The following MORN5 variants were observed in gnomAD, a reference collection of about 807,000 sequenced individuals.
MORN5 encodes MORN repeat-containing protein 5.
A neutral mutation model predicts 22.1 loss-of-function variants in MORN5; 21 were observed. That is an observed-to-expected ratio of 0.95 (90% confidence interval 0.67 to 1.37). MORN5 has a LOEUF of 1.37. Ranked by LOEUF, MORN5 falls within the 40% of genes most tolerant of loss-of-function variation. The pLI is 0.00. For missense variants in MORN5, 211 were observed against 215.1 expected, an observed-to-expected ratio of 0.98 and a Z score of 0.12; for synonymous variants, 73 against 74.0, an observed-to-expected ratio of 0.99 and a Z score of 0.07.
At position 122,166,782 on chromosome 9, in the gene MORN5, C is replaced by A. The variant is rs1461558939; in HGVS notation, c.62C>A (p.Ala21Asp). The A allele has an allele frequency of 6.2e-7, 1 of 1,613,574 alleles. No individual in the cohort carries two copies. Among genetic ancestry groups the A allele is most frequent in the East Asian group, 2.2e-5 (1 of 44,858 alleles). The change falls in exon 2 of 5, where the codon GCC becomes GAC. Residue 21 changes from alanine (A) to aspartate (D), a missense_variant. Ala to Asp is a moderately radical substitution (Grantham distance 126). Coordinates refer to ENST00000373764, the MANE Select transcript of MORN5 (RefSeq NM_198469.4). ...TGTCTTTACAGGATGGAGGGCAAAG[C>A]CAAGTACATCCTCCCTACCGAAACA... Reference protein sequence around the residue: ...EYVDGRMEGKAKYILPTETIY... With the variant: ...EYVDGRMEGKDKYILPTETIY...
chr9:122,168,710 C>G (rs1374825431), intron 2 of MORN5, among the ~76,000 whole-genome samples: 1 of 152,166 alleles, frequency 6.6e-6, no homozygotes, highest in Non-Finnish European at 1.5e-5. Flanking sequence ...TGGCTCTGAC[C>G]TTTCCAGCTA....
intron 4 of MORN5, among the ~76,000 whole-genome samples, chr9:122,179,383 A>T (rs576728719): frequency 6.6e-6 from 1 of 152,338 alleles, no homozygotes; most frequent in South Asian, 2.1e-4. Context: ...TATAGAGAAG[A>T]GGCCAAAGGA....
At chr9:122,175,079 A>G (rs1371453076) in intron 4 of MORN5, among the ~76,000 whole-genome samples, 1 of 152,202 alleles carries the variant, frequency 6.6e-6, no homozygotes, top group Non-Finnish European at 1.5e-5. Flanking sequence ...AGGGAAAAAC[A>G]TGGTCCTGTG....
chr9:122,186,065 A>T (rs1034982155), intron 4 of MORN5, among the ~76,000 whole-genome samples: 1 of 152,330 alleles, frequency 6.6e-6, no homozygotes, highest in East Asian at 1.9e-4. Context: ...GTGGAGGGAT[A>T]ATACGCTGTA....
chr9:122,164,562 GCTGCTTAGGGGAGGAGGAGATGAGTT>G (rs1249449192), intron 1 of MORN5: 4 of 985,330 alleles, frequency 4.1e-6, no homozygotes, highest in South Asian at 4.7e-5. Context: ...CTAAGGAGGT[GCTGCTTAGGGGAGGAGGAGATGAGTT>G]CTGTTTTAGG....
At chr9:122,169,843 G>T in intron 3 of MORN5, 87 bp downstream of exon 3, 1 of 937,864 alleles carries the variant, frequency 1.1e-6, no homozygotes. Flanking sequence ...TCCTACTAAA[G>T]TAACTTAAAG....
chr9:122,167,041 C>T, intron 2 of MORN5, 126 bp downstream of exon 2: 1 of 789,692 alleles, frequency 1.3e-6, no homozygotes, highest in Non-Finnish European at 1.9e-6. Flanking sequence ...CTTTGCTTCT[C>T]CCCCACTCCC....
chr9:122,171,211 C>T (rs1183853517), intron 3 of MORN5, among the ~76,000 whole-genome samples: 1 of 152,186 alleles, frequency 6.6e-6, no homozygotes, highest in Non-Finnish European at 1.5e-5. Flanking sequence ...AAGTCAACCT[C>T]CGTCAGGGCA....
chr9:122,175,373 A>G, intron 4 of MORN5: 5 of 748,206 alleles, frequency 6.7e-6, no homozygotes, highest in Non-Finnish European at 8.1e-6. Flanking sequence ...AGGATCCAGA[A>G]CCTCAGTTTG....
At chr9:122,185,702 C>G (rs994591133) in intron 4 of MORN5, among the ~76,000 whole-genome samples, 8 of 152,190 alleles carry the variant, frequency 5.3e-5, no homozygotes, top group Non-Finnish European at 1.0e-4. Context: ...CAAGACTCCC[C>G]TAATCTTGAA....
At position 122,174,495 on chromosome 9, in the gene MORN5, G is replaced by A; in HGVS notation, c.308-1G>A. 6.2e-7 allele frequency: 1 copy of A among 1,613,614 alleles called. No individual in the cohort carries two copies. Among genetic ancestry groups the A allele is most frequent in the South Asian group, 1.1e-5 (1 of 91,050 alleles). ...CTAATTGCCCATTATGTTCTTTCAA[G>A]GTATGGCTCAACTCACCAATATGGA... On this transcript the variant is annotated splice_acceptor_variant, in intron 3 of 4. Transcript: ENST00000373764. LOFTEE classifies it high-confidence loss of function.
chr9:122,161,811 T>C (rs995583967), intron 1 of MORN5, among the ~76,000 whole-genome samples: 8 of 152,190 alleles, frequency 5.3e-5, no homozygotes, highest in African/African-American at 1.4e-4. Context: ...TGTATTTTCA[T>C]TGGGTTTGTG....
intron 4 of MORN5, chr9:122,175,526 C>G: frequency 1.0e-6 from 1 of 985,408 alleles, no homozygotes; most frequent in Non-Finnish European, 1.2e-6. Context: ...CACACTCCCA[C>G]TAGGAATATC....
At chr9:122,169,213 C>T (rs1190636129) in intron 2 of MORN5, among the ~76,000 whole-genome samples, 10 of 152,158 alleles carry the variant, frequency 6.6e-5, no homozygotes, top group Non-Finnish European at 1.2e-4. Context: ...CATGAACACA[C>T]CCAGAAATGT....
chr9:122,193,812 C>T (rs749527866), intron 4 of MORN5, among the ~76,000 whole-genome samples: 21 of 152,194 alleles, frequency 1.4e-4, no homozygotes, highest in Non-Finnish European at 2.8e-4. Context: ...CACTGGCGAG[C>T]ATGCACGTGG....
intron 4 of MORN5, among the ~76,000 whole-genome samples, chr9:122,192,051 T>C (rs1829780586): frequency 1.3e-5 from 2 of 152,364 alleles, no homozygotes; most frequent in South Asian, 4.1e-4. Flanking sequence ...CTCTGCCCTC[T>C]GCAGAAAGTC....
chr9:122,190,337 C>G (rs542609923), intron 4 of MORN5, among the ~76,000 whole-genome samples: 3 of 151,788 alleles, frequency 2.0e-5, no homozygotes, highest in African/African-American at 7.3e-5. Flanking sequence ...TTTGCTGTTG[C>G]TTGGTAAACT....
intron 4 of MORN5, among the ~76,000 whole-genome samples, chr9:122,192,553 G>A (rs915021957): frequency 2.6e-5 from 4 of 152,226 alleles, no homozygotes; most frequent in Non-Finnish European, 5.9e-5. Context: ...CTGACCTGCA[G>A]GCTGCACTAA....
chr9:122,174,683 G>A, intron 4 of MORN5, 56 bp downstream of exon 4: 1 of 1,612,322 alleles, frequency 6.2e-7, no homozygotes, highest in Non-Finnish European at 8.5e-7. Flanking sequence ...ATGAGTATGT[G>A]CATCTGTATG....
Sources: gnomAD v4.1 joint callset for allele counts (sites outside exome capture counted in the v4.1 genomes callset) on GRCh38, gnomAD v4.1.1 for gene constraint, MANE v1.5 for transcripts, NCBI Gene and HGNC (gene_info 2026-07-23, HGNC 2026-07-21) for gene names.